LPCAT3: variants seen among roughly 807,000 people sequenced by gnomAD.
The protein encoded by LPCAT3 is lysophosphatidylcholine acyltransferase 3.
Under a neutral mutation model 63.4 loss-of-function variants are expected in LPCAT3, and 21 were observed. That is an observed-to-expected ratio of 0.33 (90% CI 0.23 to 0.48). The LOEUF is 0.48. Among genes scored for constraint, LPCAT3 ranks in the 20% least tolerant of loss-of-function variants. LPCAT3 has a pLI of 0.99. For synonymous variants in LPCAT3, 242 were observed against 227.5 expected (o/e 1.06, Z -0.58); for missense variants, 451 against 590.6 (o/e 0.76, Z 2.45).
chr12:6,998,928 G>C (rs1946660897), intron 1 of LPCAT3, among the ~76,000 whole-genome samples: 1 of 152,250 alleles, frequency 6.6e-6, no homozygotes, highest in South Asian at 2.1e-4. Context: ...TAACAGAGCA[G>C]AGCTCAAATT....
intron 1 of LPCAT3, among the ~76,000 whole-genome samples, chr12:7,005,386 A>G (rs1946719217): frequency 6.6e-6 from 1 of 152,270 alleles, no homozygotes; most frequent in African/African-American, 2.4e-5. Context: ...TGGCTATTAT[A>G]ATAAAGCTAT....
rs782057653 is a variant in LPCAT3 at position 6,977,202 on chromosome 12, G to A, written c.1408C>T (p.Pro470Ser). 1 of 1,613,866 alleles carries A rather than the reference G, an allele frequency of 6.2e-7. No homozygotes were observed. ...GGCACCATTGCTTTGTGAATATAAGGCAATATGAATAGTAGGCTCAGGAAG... is the reference window on the plus strand; with the variant it reads ...GGCACCATTGCTTTGTGAATATAAGACAATATGAATAGTAGGCTCAGGAAG... Reference protein sequence around the residue: ...IFFLSLLFILPYIHKAMVPRK... With the variant: ...IFFLSLLFILSYIHKAMVPRK... Residue 470 changes from proline (P) to serine (S), a missense_variant, in exon 12 of 13, where the codon CCT becomes TCT. Transcript: ENST00000261407. This position sits in a 1 kb window ranked among gnomAD's most constrained non-coding sequence, Gnocchi z 4.5.
chr12:7,000,923 A>G (rs895539788), intron 1 of LPCAT3, among the ~76,000 whole-genome samples: 3 of 151,840 alleles, frequency 2.0e-5, no homozygotes, highest in Non-Finnish European at 2.9e-5. Context: ...TAGCCAGGAT[A>G]GTCTCGATCT....
intron 7 of LPCAT3, 190 bp downstream of exon 7, chr12:6,979,281 G>A (rs1458944526): frequency 1.5e-5 from 9 of 598,330 alleles, no homozygotes; most frequent in African/African-American, 1.5e-4. Context: ...CTGTGCCCGC[G>A]AAGGTTGTTC....
intron 2 of LPCAT3, chr12:6,983,141 A>G (rs781874074): frequency 9.9e-5 from 48 of 483,254 alleles, no homozygotes; most frequent in South Asian, 8.5e-4. Context: ...CTAAGTGGGG[A>G]CTGCTTGGCT....
At chr12:6,982,992 GT>G in intron 2 of LPCAT3, 1 of 633,100 alleles carries the variant, frequency 1.6e-6, no homozygotes, top group South Asian at 1.6e-5. Flanking sequence ...TTTTTTGTTT[GT>G]TTTTTTAGAG....
intron 1 of LPCAT3, among the ~76,000 whole-genome samples, chr12:6,985,091 A>T (rs1356138040): frequency 2.4e-3 from 4 of 1,670 alleles, no homozygotes; most frequent in Admixed American, 6.0e-3. Flanking sequence ...CCATACATTA[A>T]AAAAAAAAAA....
At chr12:6,982,021 A>C in intron 3 of LPCAT3, 117 bp from the exon 4 acceptor site, 1 of 646,058 alleles carries the variant, frequency 1.5e-6, no homozygotes, top group Non-Finnish European at 2.8e-6. Context: ...AAGCCTTAAT[A>C]AATTCCTACA....
intron 1 of LPCAT3, among the ~76,000 whole-genome samples, chr12:7,000,821 C>A (rs1946680074): frequency 6.6e-6 from 1 of 151,748 alleles, no homozygotes; most frequent in East Asian, 2.0e-4. Flanking sequence ...ATTCTCCTGC[C>A]TCAGCCTCCT....
At position 6,982,667 on chromosome 12, in the gene LPCAT3, G is replaced by A. The variant is rs1555154275; in HGVS notation, c.366+9C>T. The A allele has an allele frequency of 6.3e-7, 1 of 1,597,208 alleles. No homozygotes were observed. Among genetic ancestry groups the A allele is most frequent in the African/African-American group, 1.3e-5 (1 of 74,528 alleles). On this transcript the variant is annotated intron_variant, in intron 3 of 12. Transcript: ENST00000261407. ...CTGTAGCCTGAGCTGCTAAGGGAAA[G>A]ACGTTTACCATCTGGAAGCAAAAGG...
chr12:6,982,724 T>C lies in LPCAT3; in HGVS notation c.318A>G (p.Leu106=). The C allele has an allele frequency of 6.2e-7, 1 of 1,614,040 alleles. No individual in the cohort carries two copies. Among genetic ancestry groups the C allele is most frequent in the Non-Finnish European group, 8.5e-7 (1 of 1,179,940 alleles). Residue 106 remains leucine (L), a synonymous_variant, in exon 3 of 13, where the codon CTA becomes CTG. Coordinates refer to ENST00000261407, the MANE Select transcript of LPCAT3 (RefSeq NM_005768.6). ...CIVLQFLILR[L]MGRTITAVLT... ...GGACGGCAGTGATGGTGCGGCCCAT[T>C]AGTCGAAGGATGAGGAACTGAAGCA...
At chr12:6,981,217 C>T in intron 5 of LPCAT3, 35 bp from the exon 6 acceptor site, 1 of 1,542,922 alleles carries the variant, frequency 6.5e-7, no homozygotes, top group Non-Finnish European at 8.8e-7. Context: ...TTCAGGATAG[C>T]CTTGAATCTC....
intron 1 of LPCAT3, chr12:6,997,516 C>A (rs1433250677): frequency 6.5e-6 from 1 of 153,098 alleles, no homozygotes; most frequent in East Asian, 1.9e-4. Context: ...CAGGTTCAAG[C>A]GATTCTCCTG....
In LPCAT3 at chr12:6,978,524, CAGTT is replaced by C; in HGVS notation, c.874-21_874-18del. The C allele has an allele frequency of 1.2e-6, 2 of 1,611,736 alleles. No homozygotes were observed. Among genetic ancestry groups the C allele is most frequent in the Non-Finnish European group, 8.5e-7 (1 of 1,178,240 alleles). On this transcript the variant is annotated intron_variant, in intron 8 of 12. Coordinates refer to ENST00000261407, the MANE Select transcript of LPCAT3 (RefSeq NM_005768.6). Reference sequence around the variant, plus strand: ...TACTCCTTCCTGAGAGGGAATAGCTCAGTTAGGGCTCTTGCCACTCCCCATACTG... The same window carrying C: ...TACTCCTTCCTGAGAGGGAATAGCTCAGGGCTCTTGCCACTCCCCATACTG...
rs782154795 is a variant in LPCAT3 at position 7,018,338 on chromosome 12, G to C, written c.87C>G (p.Asn29Lys). The stretch of plus-strand genomic sequence containing the variant: ...ACGCGCCCAGGGACGTCGCCAACTT[G>C]TTAAGGCTCAGCTCCTGGAAACCCG... ...LQSGFQELSLNKLATSLGASE... is the reference protein window; with the variant it reads ...LQSGFQELSLKKLATSLGASE... Residue 29 changes from asparagine to lysine, a missense_variant, in exon 1 of 13, where the codon AAC becomes AAG. Coordinates refer to ENST00000261407, the MANE Select transcript of LPCAT3 (RefSeq NM_005768.6). This position sits in a 1 kb window ranked among gnomAD's most constrained non-coding sequence, Gnocchi z 4.9. 6.2e-7 allele frequency: 1 copy of C among 1,611,782 alleles called. No individual in the cohort carries two copies. The highest frequency in any genetic ancestry group is 2.2e-5 in the East Asian group (1 of 44,792).
rs782492797 is a variant in LPCAT3, at chr12:6,982,716, C to T, written c.326G>A (p.Arg109His). 1.2e-5 allele frequency: 20 copies of T among 1,613,936 alleles called. No homozygotes were observed. Among genetic ancestry groups the T allele is most frequent in the Non-Finnish European group, 1.5e-5 (18 of 1,179,844 alleles). ...LQFLILRLMGRTITAVLTTFC... is the reference protein window; with the variant it reads ...LQFLILRLMGHTITAVLTTFC... ...GGTAGTGAGGACGGCAGTGATGGTG[C>T]GGCCCATTAGTCGAAGGATGAGGAA... is the stretch of plus-strand genomic sequence containing the variant. The change falls in exon 3 of 13, where the codon CGC (arginine) becomes CAC (histidine). Residue 109 changes from arginine (R) to histidine (H), a missense_variant. Arg to His is a conservative substitution (Grantham distance 29). Around this residue, in one of 3 missense-constraint regions of LPCAT3, gnomAD observed 133 missense variants for 152.1 expected, o/e 0.87. Transcript: ENST00000261407.
intron 1 of LPCAT3, chr12:6,988,208 G>A (rs1167997383): frequency 1.2e-5 from 2 of 167,810 alleles, no homozygotes; most frequent in African/African-American, 4.7e-5. Context: ...TTCCAAACAG[G>A]TGAGGTATTG....
rs1006543074 is a variant in LPCAT3, at chr12:6,987,928, C to G, written c.152-4389G>C. The G allele has an allele frequency of 8.3e-5, 33 of 399,640 alleles. No individual in the cohort carries two copies. Among genetic ancestry groups the G allele is most frequent in the Non-Finnish European group, 8.4e-5 (19 of 225,778 alleles). The allele number at this position is 399,640 out of a possible 1,614,324, so 24.8% of individuals were successfully genotyped here. The stretch of plus-strand genomic sequence containing the variant: ...TCCACTTCTTATAGCCTGTCTGTCC[C>G]TTTCCTTGCTACTCTGGGATCAACA... On this transcript the variant is annotated intron_variant, in intron 1 of 12. Coordinates refer to ENST00000261407, the MANE Select transcript of LPCAT3 (RefSeq NM_005768.6). This position sits in a 1 kb window ranked among gnomAD's most constrained non-coding sequence, Gnocchi z 4.1.
intron 1 of LPCAT3, among the ~76,000 whole-genome samples, chr12:6,999,519 T>A (rs1424915577): frequency 6.6e-6 from 1 of 152,256 alleles, no homozygotes; most frequent in Non-Finnish European, 1.5e-5. Flanking sequence ...TCACTTAAGC[T>A]GAGTGCTCTT....
Sources: allele counts gnomAD v4.1 joint callset (sites outside exome capture counted in the v4.1 genomes callset), GRCh38; gene constraint gnomAD v4.1.1; regional missense constraint gnomAD v4.1.1; non-coding constraint Gnocchi (gnomAD v3.1); transcripts MANE v1.5; gene names NCBI Gene and HGNC (gene_info 2026-07-23, HGNC 2026-07-21).